SLC3A2: variants seen among roughly 807,000 people sequenced by gnomAD.
SLC3A2 encodes solute carrier family 3 member 2.
In SLC3A2, 32 loss-of-function variants were observed where a neutral mutation model predicts 48.5. That is an observed-to-expected ratio of 0.66 (90% CI 0.50 to 0.89). The LOEUF (loss-of-function observed/expected upper bound fraction) is 0.89. SLC3A2 is among the 40% of genes least tolerant of loss of function. The pLI, the probability that SLC3A2 is intolerant of heterozygous loss-of-function variation, is 0.00. For synonymous variants in SLC3A2, 277 were observed against 288.8 expected (o/e 0.96, Z 0.41); for missense variants, 587 against 680.7 (o/e 0.86, Z 1.53).
At chr11:62,856,455 T>TA in intron 1 of SLC3A2, 1 of 1,311,586 alleles carries the variant, frequency 7.6e-7, no homozygotes, top group Admixed American at 2.0e-5. Context: ...TGTCAGGACG[T>TA]AAGTGCTTCA....
intron 2 of SLC3A2, 50 bp downstream of exon 2, chr11:62,882,116 A>G (rs1451098170): frequency 6.2e-7 from 1 of 1,603,002 alleles, no homozygotes; most frequent in African/African-American, 1.3e-5. Context: ...ACTTGGCCAG[A>G]GGAAAAGTAG....
At chr11:62,863,788 C>T (rs1463813061) in intron 1 of SLC3A2, among the ~76,000 whole-genome samples, 1 of 152,210 alleles carries the variant, frequency 6.6e-6, no homozygotes, top group Non-Finnish European at 1.5e-5. Flanking sequence ...TTTCCAGTAA[C>T]AGCCCTGATG....
intron 7 of SLC3A2, 115 bp from the exon 8 acceptor site, chr11:62,888,020 G>T (rs1450482753): frequency 2.2e-6 from 2 of 889,258 alleles, no homozygotes; most frequent in African/African-American, 1.7e-5. Context: ...GGTTTCAAAT[G>T]CCTGGGCTCA....
At chr11:62,873,627 C>T (rs983918437) in intron 1 of SLC3A2, among the ~76,000 whole-genome samples, 6 of 152,194 alleles carry the variant, frequency 3.9e-5, no homozygotes, top group African/African-American at 1.4e-4. Flanking sequence ...CACACCCGGC[C>T]AGCTAATTAA....
upstream of SLC3A2, among the ~76,000 whole-genome samples, chr11:62,876,100 A>C (rs2085568903): frequency 6.6e-6 from 1 of 152,224 alleles, no homozygotes. Flanking sequence ...ACTGGGCTTA[A>C]GTGATCCTCC....
intron 1 of SLC3A2, among the ~76,000 whole-genome samples, chr11:62,866,500 A>T (rs1381181423): frequency 6.6e-6 from 1 of 150,822 alleles, no homozygotes; most frequent in Non-Finnish European, 1.5e-5. Flanking sequence ...GGTCCAAGCT[A>T]CTCTCGTGCC....
upstream of SLC3A2, chr11:62,880,856 C>A: frequency 7.2e-7 from 1 of 1,383,182 alleles, no homozygotes; most frequent in Non-Finnish European, 9.4e-7. Context: ...CGGGGCGGGG[C>A]TCCGCTGCCC....
intron 1 of SLC3A2, among the ~76,000 whole-genome samples, chr11:62,859,397 A>G (rs1001961468): frequency 2.0e-5 from 3 of 152,228 alleles, no homozygotes; most frequent in Non-Finnish European, 4.4e-5. Context: ...TTCTTAGTAC[A>G]TAACAAAATG....
chr11:62,878,636 T>TC (rs2135002712), upstream of SLC3A2, among the ~76,000 whole-genome samples: 1 of 150,330 alleles, frequency 6.7e-6, no homozygotes, highest in South Asian at 2.1e-4. Flanking sequence ...TGGCTGATTT[T>TC]TTTTTTTTTT....
At chr11:62,862,052 C>T (rs937292476) in intron 1 of SLC3A2, among the ~76,000 whole-genome samples, 6 of 151,954 alleles carry the variant, frequency 3.9e-5, no homozygotes, top group Admixed American at 6.6e-5. Context: ...GGCGCGGTGG[C>T]TTACCTGTAA....
rs1278281006 is a variant in SLC3A2 at position 62,882,626 on chromosome 11, A to G, written c.599-282A>G. 1.3e-5 allele frequency: 5 copies of G among 375,838 alleles called. No homozygotes were observed. The East Asian group carries it at 3.0e-4, about 23-fold the overall frequency. The allele number at this position is 375,838 out of a possible 1,614,324, so 23.3% of individuals were successfully genotyped here. On this transcript the variant is annotated intron_variant, in intron 2 of 8. Coordinates refer to ENST00000338663, the MANE Select transcript of SLC3A2 (RefSeq NM_001013251.3). ...CAGCCTCCTGAGTAGCTGGTACTACAGCCGTGTGCCACCACACCCAGATAA... is the reference window on the plus strand; with the variant it reads ...CAGCCTCCTGAGTAGCTGGTACTACGGCCGTGTGCCACCACACCCAGATAA...
At chr11:62,860,603 CT>C (rs2085389263) in intron 1 of SLC3A2, among the ~76,000 whole-genome samples, 1 of 152,130 alleles carries the variant, frequency 6.6e-6, no homozygotes, top group South Asian at 2.1e-4. Flanking sequence ...AGATGCCTTC[CT>C]CTTATCTCAA....
At chr11:62,867,322 C>CTTTTTTTTTT (rs56758000) in intron 1 of SLC3A2, among the ~76,000 whole-genome samples, 85 of 67,604 alleles carry the variant, frequency 1.3e-3, no homozygotes, top group Non-Finnish European at 1.8e-3. Context: ...CTTTTCTTTT[C>CTTTTTTTTTT]TTTTTTTTTT....
chr11:62,887,413 GTTAGCCAGGCCGGGTGTCGTGGC>G (rs2085728694), intron 7 of SLC3A2, among the ~76,000 whole-genome samples: 8 of 152,094 alleles, frequency 5.3e-5, no homozygotes, highest in Admixed American at 5.2e-4. Context: ...TCCAGTAGAA[GTTAGCCAGGCCGGGTGTCGTGGC>G]TTATGCCTGT....
chr11:62,878,939 AT>A (rs2085600338), upstream of SLC3A2, among the ~76,000 whole-genome samples: 1 of 148,370 alleles, frequency 6.7e-6, no homozygotes, highest in Non-Finnish European at 1.5e-5. Context: ...TGTCCAGTTA[AT>A]TTTTGTATTT....
rs1485903771 is a variant in SLC3A2 at position 62,881,481 on chromosome 11, C to T, written c.424+34C>T. The T allele has an allele frequency of 2.0e-6, 3 of 1,536,420 alleles. No homozygotes were observed. Among genetic ancestry groups the T allele is most frequent in the Non-Finnish European group, 1.7e-6 (2 of 1,148,840 alleles). The stretch of plus-strand genomic sequence containing the variant: ...AGCGCGCCCCCGTCCCGGGTACCTC[C>T]GGTTGAATCTGGTGGCTTGCACCGA... On this transcript the variant is annotated intron_variant, in intron 1 of 8. Transcript: ENST00000338663. This position sits in a 1 kb window ranked among gnomAD's most constrained non-coding sequence, Gnocchi z 4.0.
chr11:62,862,333 C>CAAAAAA (rs71065311), intron 1 of SLC3A2, among the ~76,000 whole-genome samples: 2 of 55,906 alleles, frequency 3.6e-5, no homozygotes, highest in Non-Finnish European at 5.8e-5. Flanking sequence ...GACTCTGTCT[C>CAAAAAA]AAAAAAAAAA....
chr11:62,872,761 C>G (rs1184421583), intron 1 of SLC3A2, among the ~76,000 whole-genome samples: 3 of 152,150 alleles, frequency 2.0e-5, no homozygotes, highest in Admixed American at 1.3e-4. Context: ...TGCCACCACA[C>G]CTGGCTAATT....
At position 62,888,540 on chromosome 11, in the gene SLC3A2, C is replaced by T. The variant is rs1380383068; in HGVS notation, c.1437C>T (p.Ala479=). ...GDVGLSAGLQ[A]SDLPASASLP... ...TGGGCCTCTCGGCTGGACTGCAGGC[C>T]TCCGACCTGCCTGCCAGCGCCAGCC... Residue 479 remains alanine, a synonymous_variant, in exon 9 of 9, where the codon GCC becomes GCT. Transcript: ENST00000338663. 2 of 1,614,058 alleles carry T rather than the reference C, an allele frequency of 1.2e-6. No individual in the cohort carries two copies. The highest frequency in any genetic ancestry group is 1.3e-5 in the African/African-American group (1 of 74,932).
Sources: allele counts gnomAD v4.1 joint callset (sites outside exome capture counted in the v4.1 genomes callset), GRCh38; gene constraint gnomAD v4.1.1; non-coding constraint Gnocchi (gnomAD v3.1); transcripts MANE v1.5; gene names NCBI Gene and HGNC (gene_info 2026-07-23, HGNC 2026-07-21).